TENM2: variants seen among roughly 807,000 people sequenced by gnomAD.
The protein encoded by TENM2 is teneurin-2.
TENM2 carries 52 observed loss-of-function variants against 245.2 expected under a neutral mutation model. The observed-to-expected ratio is 0.21, with a 90% CI of 0.17 to 0.27. The LOEUF is 0.27. Among genes scored for constraint, TENM2 ranks in the 10% least tolerant of loss-of-function variants. The pLI is 1.00. For synonymous variants in TENM2, 1,363 were observed against 1,438.9 expected, an observed-to-expected ratio of 0.95 and a Z score of 1.19; for missense variants, 3,046 against 3,666.8, an observed-to-expected ratio of 0.83 and a Z score of 4.37.
At chr5:167,540,718 C>T (rs924699843) in intron 2 of TENM2, among the ~76,000 whole-genome samples, 42 of 152,256 alleles carry the variant, frequency 2.8e-4, no homozygotes, top group African/African-American at 9.9e-4. Context: ...ATATCAGTTC[C>T]GTAGTTTGTT....
intron 2 of TENM2, among the ~76,000 whole-genome samples, chr5:167,837,415 A>T (rs1769101487): frequency 1.3e-5 from 2 of 152,140 alleles, no homozygotes; most frequent in African/African-American, 4.8e-5. Flanking sequence ...ACGCTCTCTC[A>T]TCAGTATATG....
At chr5:168,090,620 T>G (rs1329743415) in exon 8 of TENM2, 4 of 1,613,116 alleles carry the variant, frequency 2.5e-6, no homozygotes, top group Middle Eastern at 3.4e-4. Flanking sequence ...TGGAGTGTGG[T>G]TGAGTCTCCC....
intron 2 of TENM2, among the ~76,000 whole-genome samples, chr5:167,683,881 C>T (rs970102031): frequency 1.1e-4 from 17 of 152,124 alleles, no homozygotes; most frequent in African/African-American, 4.1e-4. Context: ...AAGTATTTTT[C>T]AGTTAAAAAT....
intron 2 of TENM2, among the ~76,000 whole-genome samples, chr5:167,836,066 GAAGA>G (rs941294562): frequency 1.3e-5 from 2 of 152,144 alleles, no homozygotes; most frequent in African/African-American, 2.4e-5. Context: ...GGGGGAGAAG[GAAGA>G]AAGAGTTACT....
In TENM2 at chr5:167,811,658, A is replaced by T. The variant is rs577705269; in HGVS notation, c.503-64328A>T. Among the ~76,000 whole-genome samples the T allele has an allele frequency of 7.2e-5, 11 of 152,264 alleles. No homozygotes were observed. In the South Asian group the frequency reaches 1.7e-3, roughly 23 times the overall value. The stretch of plus-strand genomic sequence containing the variant: ...TGTTAATGGTTCAAATAAGTCATGG[A>T]TAGAGTTCTGTGTTTAACCCATTTA... On this transcript the variant is annotated intron_variant, in intron 2 of 28. Coordinates refer to ENST00000518659, the Ensembl canonical transcript of TENM2.
chr5:167,136,005 T>G, the TENM2 span, among the ~76,000 whole-genome samples: 1 of 152,180 alleles, frequency 6.6e-6, no homozygotes, highest in Non-Finnish European at 1.5e-5. Context: ...CAACTCCATA[T>G]CCCACCCCAC....
the TENM2 span, among the ~76,000 whole-genome samples, chr5:167,276,191 A>G: frequency 6.6e-6 from 1 of 151,682 alleles, no homozygotes; most frequent in Admixed American, 6.6e-5. Flanking sequence ...TTTTTGTACT[A>G]TCTTTGTCTT....
intron 11 of TENM2, among the ~76,000 whole-genome samples, chr5:168,125,529 A>G (rs1025424208): frequency 6.6e-6 from 1 of 152,132 alleles, no homozygotes; most frequent in Non-Finnish European, 1.5e-5. Context: ...TCTTCCCTCC[A>G]GAGTGACCTT....
intron 2 of TENM2, among the ~76,000 whole-genome samples, chr5:167,490,356 A>G (rs1399262009): frequency 6.6e-6 from 1 of 152,072 alleles, no homozygotes; most frequent in East Asian, 1.9e-4. Flanking sequence ...TAATCTTTGT[A>G]CATTTCTCAA....
At chr5:167,441,561 T>G (rs1764883281) in intron 2 of TENM2, among the ~76,000 whole-genome samples, 1 of 150,250 alleles carries the variant, frequency 6.7e-6, no homozygotes, top group African/African-American at 2.5e-5. Flanking sequence ...AATCCTCTTT[T>G]ATCATATTCA....
At chr5:167,019,456 T>A in the TENM2 span, among the ~76,000 whole-genome samples, 1 of 152,064 alleles carries the variant, frequency 6.6e-6, no homozygotes, top group South Asian at 2.1e-4. Context: ...TTCTTTTTTG[T>A]TGTTGTTTTT....
In TENM2 at chr5:167,891,414, C is replaced by G. The variant is rs531246681; in HGVS notation, c.712+15219C>G. Among the ~76,000 whole-genome samples, 5 of 152,162 alleles carry G rather than the reference C, an allele frequency of 3.3e-5. No individual in the cohort carries two copies. The South Asian group carries it at 1.0e-3, about 32-fold the overall frequency. On this transcript the variant is annotated intron_variant, in intron 3 of 28. Transcript: ENST00000518659. Reference sequence around the variant, plus strand: ...CCTCAGCCTCCTGATTACAATTACTCTTCATTTCAGTGCTTTCCTAGCTGG... The same window carrying G: ...CCTCAGCCTCCTGATTACAATTACTGTTCATTTCAGTGCTTTCCTAGCTGG...
rs764709078 is a variant in TENM2 at position 168,204,506 on chromosome 5, C to T, written c.3709C>T (p.Leu1237=). The change falls in exon 19 of 29, where the codon CTG becomes TTG. Residue 1237 remains leucine, a synonymous_variant. Coordinates refer to ENST00000518659, the Ensembl canonical transcript of TENM2. ...CAACGGCCTTGCTGAAGGCAACAAG[C>T]TGCTGGCCCCAGTGGCTCTGGCTGT... 5 of 1,613,940 alleles carry T rather than the reference C, an allele frequency of 3.1e-6. No individual in the cohort carries two copies. In the African/African-American group the frequency reaches 4.0e-5, roughly 13 times the overall value.
chr5:167,367,208 T>G (rs1038833311), intron 1 of TENM2, among the ~76,000 whole-genome samples: 1 of 152,168 alleles, frequency 6.6e-6, no homozygotes, highest in Admixed American at 6.5e-5. Context: ...TTAGTATGTG[T>G]TTATTAACAT....
At chr5:167,417,940 A>G (rs1268348495) in intron 2 of TENM2, among the ~76,000 whole-genome samples, 1 of 152,076 alleles carries the variant, frequency 6.6e-6, no homozygotes, top group Non-Finnish European at 1.5e-5. Context: ...TTGCATTTTC[A>G]TATTTGTTTT....
At chr5:167,507,233 A>G (rs79874336) in intron 2 of TENM2, among the ~76,000 whole-genome samples, 4,048 of 152,284 alleles carry the variant, frequency 0.027, 202 homozygotes, top group African/African-American at 0.093. Flanking sequence ...TTATTTTTAA[A>G]CTGTATTACC....
chr5:167,137,542 G>T, the TENM2 span, among the ~76,000 whole-genome samples: 1 of 152,172 alleles, frequency 6.6e-6, no homozygotes, highest in Non-Finnish European at 1.5e-5. Context: ...TGTCCCAGAT[G>T]TTCCTCTACT....
intron 12 of TENM2, among the ~76,000 whole-genome samples, chr5:168,149,831 C>T (rs537069497): frequency 1.9e-4 from 29 of 152,364 alleles, no homozygotes; most frequent in African/African-American, 5.3e-4. Context: ...TACAGCCACA[C>T]GGGCCTCCTC....
At chr5:167,458,666 A>G (rs963032188) in intron 2 of TENM2, among the ~76,000 whole-genome samples, 2 of 152,188 alleles carry the variant, frequency 1.3e-5, no homozygotes, top group African/African-American at 4.8e-5. Context: ...ACTGATAATA[A>G]CAAAATACAA....
Sources: gnomAD v4.1 joint callset for allele counts (sites outside exome capture counted in the v4.1 genomes callset) on GRCh38, gnomAD v4.1.1 for gene constraint, MANE v1.5 for transcripts, NCBI Gene and HGNC (gene_info 2026-07-23, HGNC 2026-07-21) for gene names.